The following MPP7 variants were observed in gnomAD, a reference collection of about 807,000 sequenced individuals.
MPP7 encodes MAGUK p55 scaffold protein 7, also known as MAGUK p55 subfamily member 7.
A neutral mutation model predicts 76.5 loss-of-function variants in MPP7; 60 were observed. The observed-to-expected ratio is 0.78, with a 90% CI of 0.64 to 0.97. The LOEUF is 0.97. Ranked by LOEUF, MPP7 falls within the 50% of genes least tolerant of loss-of-function variation. MPP7 has a pLI of 0.00. For missense variants in MPP7, 641 were observed against 694.0 expected (o/e 0.92, Z 0.86); for synonymous variants, 237 against 244.5 (o/e 0.97, Z 0.29).
At chr10:28,079,072 T>G (rs1432369802) in intron 12 of MPP7, among the ~76,000 whole-genome samples, 1 of 152,204 alleles carries the variant, frequency 6.6e-6, no homozygotes, top group East Asian at 1.9e-4. Flanking sequence ...TTGAAATTGG[T>G]TGACATTATT....
rs939229726 is a variant in MPP7 at position 28,075,035 on chromosome 10, T to C, written c.1124-5183A>G. On this transcript the variant is annotated intron_variant, in intron 12 of 16. Transcript: ENST00000683449. ...CTCTGCTTGGCTTCTGAGGAGGCCT[T>C]AGGAAACTTACAGTCATGGGGGAAG... 4.6e-5 allele frequency among the ~76,000 whole-genome samples: 7 copies of C among 151,946 alleles called. No individual in the cohort carries two copies. The South Asian group carries it at 1.2e-3, about 27-fold the overall frequency.
intron 16 of MPP7, among the ~76,000 whole-genome samples, chr10:28,055,264 C>G (rs886896797): frequency 1.3e-5 from 2 of 152,052 alleles, no homozygotes; most frequent in South Asian, 4.2e-4. Context: ...TGATCAAGAG[C>G]CTGAGTAACT....
At chr10:28,107,701 T>C (rs979416004) in intron 11 of MPP7, among the ~76,000 whole-genome samples, 4 of 152,126 alleles carry the variant, frequency 2.6e-5, no homozygotes, top group African/African-American at 9.7e-5. Context: ...AAACACTCCA[T>C]GAAACAGAAA....
At chr10:28,294,068 G>C (rs552873397) in intron 1 of MPP7, among the ~76,000 whole-genome samples, 1 of 152,348 alleles carries the variant, frequency 6.6e-6, no homozygotes, top group African/African-American at 2.4e-5. Flanking sequence ...AGCACTTTGG[G>C]AGGCCGAGGC....
Position 28,053,331 on chromosome 10 carries a change from T to A in MPP7, c.*734A>T, listed in dbSNP as rs1361231131. The A allele has an allele frequency of 6.6e-6, 1 of 152,204 alleles. No individual in the cohort carries two copies. Among genetic ancestry groups the A allele is most frequent in the African/African-American group, 2.4e-5 (1 of 41,454 alleles). 9.4% of individuals were successfully genotyped at this position (152,204 alleles called of 1,614,324 possible). On this transcript the variant is annotated 3_prime_UTR_variant, in exon 17 of 17. Transcript: ENST00000683449. ...TCATTTCTTGCCACAAGGCTACCATTCTTACTTATATTAATCCCAAAGGAA... is the reference window on the plus strand; with the variant it reads ...TCATTTCTTGCCACAAGGCTACCATACTTACTTATATTAATCCCAAAGGAA...
intron 6 of MPP7, among the ~76,000 whole-genome samples, chr10:28,131,179 T>A (rs1176613764): frequency 6.6e-6 from 1 of 152,228 alleles, no homozygotes; most frequent in Non-Finnish European, 1.5e-5. Context: ...TTGTTGGACC[T>A]GCTGTAAATT....
At chr10:28,180,160 A>G (rs1837014565) in intron 3 of MPP7, among the ~76,000 whole-genome samples, 4 of 152,226 alleles carry the variant, frequency 2.6e-5, no homozygotes, top group African/African-American at 9.6e-5. Flanking sequence ...CTAAGCAAAA[A>G]TAATTGTGAA....
At chr10:28,217,671 C>G (rs1838359698) in intron 2 of MPP7, among the ~76,000 whole-genome samples, 1 of 151,950 alleles carries the variant, frequency 6.6e-6, no homozygotes, top group African/African-American at 2.4e-5. Flanking sequence ...AAATTATCTT[C>G]TGAATTACTA....
chr10:28,334,603 T>C (rs576132182), upstream of MPP7: 1 of 152,248 alleles, frequency 6.6e-6, no homozygotes, highest in African/African-American at 2.4e-5. Context: ...CTAGTAGAGA[T>C]ACAAATCTAC....
chr10:28,215,579 A>T (rs1377472589), intron 2 of MPP7, among the ~76,000 whole-genome samples: 1 of 152,148 alleles, frequency 6.6e-6, no homozygotes, highest in Non-Finnish European at 1.5e-5. Flanking sequence ...GAGGTGCTGA[A>T]GTGAGGAACA....
chr10:28,120,288 T>TAATCTGAAG lies in MPP7; in HGVS notation c.784_792dup (p.Leu262_Ile264dup), dbSNP rs763199324. 1 of 1,614,092 alleles carries TAATCTGAAG rather than the reference T, an allele frequency of 6.2e-7. No homozygotes were observed. Among genetic ancestry groups the TAATCTGAAG allele is most frequent in the South Asian group, 1.1e-5 (1 of 91,088 alleles). ...CACCAAGTTGCATCATCTTGGCTCA[T>TAATCTGAAG]AATCTGAAGAATATCTCCCTTTTTG... On this transcript the variant is annotated inframe_insertion, in exon 10 of 17. Coordinates refer to ENST00000683449, the MANE Select transcript of MPP7 (RefSeq NM_001318170.2).
intron 2 of MPP7, among the ~76,000 whole-genome samples, chr10:28,205,230 G>C (rs2133997573): frequency 6.6e-6 from 1 of 152,180 alleles, no homozygotes; most frequent in Admixed American, 6.5e-5. Context: ...TCTCCATGAA[G>C]GTAAATAATA....
Position 28,106,032 on chromosome 10 carries a change from C to T in MPP7, c.952+13619G>A, listed in dbSNP as rs1588775851. On this transcript the variant is annotated intron_variant, in intron 11 of 16. Transcript: ENST00000683449. ...TATTCTCATTCTACTTAGATGGTCC[C>T]GTTTTCTTCTATAATTGTCTGATGT... Among the ~76,000 whole-genome samples the T allele has an allele frequency of 3.3e-5, 5 of 152,196 alleles. 1 individual carries two copies.
At chr10:28,216,502 C>A (rs1388762509) in intron 2 of MPP7, among the ~76,000 whole-genome samples, 1 of 152,106 alleles carries the variant, frequency 6.6e-6, no homozygotes, top group Non-Finnish European at 1.5e-5. Flanking sequence ...CTCCAGGGAA[C>A]CAATCATTTG....
chr10:28,171,547 TG>T (rs1437973675), intron 3 of MPP7, among the ~76,000 whole-genome samples: 1 of 152,206 alleles, frequency 6.6e-6, no homozygotes, highest in Non-Finnish European at 1.5e-5. Flanking sequence ...CTAAACTCAC[TG>T]GAAAGAGAAA....
chr10:28,330,850 A>T (rs1328981701), intron 1 of MPP7, among the ~76,000 whole-genome samples: 1 of 151,962 alleles, frequency 6.6e-6, no homozygotes, highest in Non-Finnish European at 1.5e-5. Flanking sequence ...CGTAGAGTTG[A>T]GGGTCTCCCC....
In MPP7 at chr10:28,193,221, T is replaced by G. The variant is rs1430103087; in HGVS notation, c.156+8932A>C. On this transcript the variant is annotated intron_variant, in intron 3 of 16. Coordinates refer to ENST00000683449, the MANE Select transcript of MPP7 (RefSeq NM_001318170.2). ...TTTGTTTGGTTGGTTTTTTGTTTTT[T>G]TTTTTTTTTGAGACGGAGTCTCGCT... is the stretch of plus-strand genomic sequence containing the variant. Among the ~76,000 whole-genome samples the G allele has an allele frequency of 2.6e-5, 4 of 151,110 alleles. No individual in the cohort carries two copies. In the South Asian group the frequency reaches 8.3e-4, roughly 31 times the overall value.
chr10:28,243,476 C>T (rs533653930), intron 1 of MPP7, among the ~76,000 whole-genome samples: 2 of 151,746 alleles, frequency 1.3e-5, no homozygotes, highest in African/African-American at 4.8e-5. Flanking sequence ...TTCCCATTTT[C>T]TACTAACACA....
rs545065341 is a variant in MPP7 at position 28,187,574 on chromosome 10, C to T, written c.156+14579G>A. The stretch of plus-strand genomic sequence containing the variant: ...CAAATGATATGTCAGAGGCAAGTAA[C>T]GTAACCTCCCCAATGGGTTTACTCT... On this transcript the variant is annotated intron_variant, in intron 3 of 16. Transcript: ENST00000683449. Among the ~76,000 whole-genome samples the T allele has an allele frequency of 1.2e-4, 19 of 152,264 alleles. No individual in the cohort carries two copies. In the East Asian group the frequency reaches 3.5e-3, roughly 28 times the overall value.
Sources: gnomAD v4.1 joint callset for allele counts (sites outside exome capture counted in the v4.1 genomes callset) on GRCh38, gnomAD v4.1.1 for gene constraint, MANE v1.5 for transcripts, NCBI Gene and HGNC (gene_info 2026-07-23, HGNC 2026-07-21) for gene names.